Variants in RASGRP1 observed in about 807,000 individuals in gnomAD.
RASGRP1 encodes RAS guanyl-releasing protein 1.
In RASGRP1, 37 loss-of-function variants were observed where a neutral mutation model predicts 95.1. The observed-to-expected ratio is 0.39, with a 90% CI of 0.30 to 0.51. The LOEUF (loss-of-function observed/expected upper bound fraction) is 0.51, where lower values mean the gene tolerates loss of function less well. Among genes scored for constraint, RASGRP1 ranks in the 20% least tolerant of loss-of-function variants. The pLI, the probability that RASGRP1 is intolerant of heterozygous loss-of-function variation, is 0.80. For missense variants in RASGRP1, 711 were observed against 965.4 expected (o/e 0.74, Z 3.49); for synonymous variants, 325 against 353.4 (o/e 0.92, Z 0.90).
In RASGRP1 at chr15:38,518,429, A is replaced by G; in HGVS notation, c.390-6T>C. 6.3e-7 allele frequency: 1 copy of G among 1,598,080 alleles called. No homozygotes were observed. The highest frequency in any genetic ancestry group is 8.5e-7 in the Non-Finnish European group (1 of 1,171,724). On this transcript the variant is annotated splice_region_variant and splice_polypyrimidine_tract_variant and intron_variant, in intron 4 of 16. Coordinates refer to ENST00000310803, the MANE Select transcript of RASGRP1 (RefSeq NM_005739.4). ...AGAATTCTGTTATCCAATACCTACA[A>G]GGAGGGGGTTAAAAAACACAATCCA...
chr15:38,519,595 C>G (rs55639060), intron 3 of RASGRP1, among the ~76,000 whole-genome samples: 1,716 of 152,178 alleles, frequency 0.011, 20 homozygotes, highest in Non-Finnish European at 0.019. Flanking sequence ...CTCCAGCCCA[C>G]GTCGACCTGG....
Position 38,507,751 on chromosome 15 carries a change from T to C in RASGRP1, c.1217A>G (p.Asn406Ser). ...LQEVAPPLEA[N>S]KDLVHLLTLS... Reference sequence around the variant, plus strand: ...CGTCAGCAAGTGTACCAAGTCCTTGTTAGCCTCCAAGGGTGGGGCCACCTC... The same window carrying C: ...CGTCAGCAAGTGTACCAAGTCCTTGCTAGCCTCCAAGGGTGGGGCCACCTC... The change falls in exon 9 of 17, where the codon AAC becomes AGC. Residue 406 changes from asparagine (N) to serine (S), a missense_variant. Physicochemically the swap from Asn to Ser is conservative, Grantham distance 46. Transcript: ENST00000310803. 6.3e-7 allele frequency: 1 copy of C among 1,578,648 alleles called. No homozygotes were observed. The highest frequency in any genetic ancestry group is 8.6e-7 in the Non-Finnish European group (1 of 1,161,522).
At chr15:38,518,010 A>T (rs1228639072) in intron 5 of RASGRP1, among the ~76,000 whole-genome samples, 1 of 152,186 alleles carries the variant, frequency 6.6e-6, no homozygotes, top group Non-Finnish European at 1.5e-5. Flanking sequence ...GATTAATTTT[A>T]GTCAATATCT....
intron 2 of RASGRP1, among the ~76,000 whole-genome samples, chr15:38,544,887 C>G (rs1893048759): frequency 6.6e-6 from 1 of 152,216 alleles, no homozygotes; most frequent in African/African-American, 2.4e-5. Context: ...GTCTTGTTTT[C>G]TGAGACCCAA....
Position 38,515,910 on chromosome 15 carries a change from A to AGAGTGT in RASGRP1, c.675+286_675+287insACACTC, listed in dbSNP as rs779224083. 1.0e-3 allele frequency among the ~76,000 whole-genome samples: 143 copies of AGAGTGT among 143,536 alleles called. 2 individuals carry two copies. The South Asian group carries it at 0.015, about 16-fold the overall frequency. 94.2% of individuals were successfully genotyped at this position (143,536 alleles called of 152,430 possible). A position where few individuals can be genotyped will look rare whatever the true frequency, so the allele number is the denominator to read the frequency against. ...GACAGAGAGAGAGAGAGAGAGAGAGAGTGTGTGTGTGTGTGTGTGATGTGT... is the reference window on the plus strand; with the variant it reads ...GACAGAGAGAGAGAGAGAGAGAGAGAGAGTGTGTGTGTGTGTGTGTGTGTGATGTGT... On this transcript the variant is annotated intron_variant, in intron 6 of 16. Transcript: ENST00000310803.
chr15:38,496,724 G>C (rs1890804970), intron 15 of RASGRP1, among the ~76,000 whole-genome samples: 1 of 152,062 alleles, frequency 6.6e-6, no homozygotes, highest in African/African-American at 2.4e-5. Context: ...GTCAGCCTGT[G>C]TTTAGATAGA....
At chr15:38,531,389 C>G (rs1892431857) in intron 2 of RASGRP1, among the ~76,000 whole-genome samples, 1 of 152,168 alleles carries the variant, frequency 6.6e-6, no homozygotes, top group African/African-American at 2.4e-5. Flanking sequence ...CTCTTCCAGT[C>G]CTTATGGCTA....
intron 2 of RASGRP1, among the ~76,000 whole-genome samples, chr15:38,532,133 A>G (rs965490756): frequency 3.3e-5 from 5 of 152,238 alleles, no homozygotes; most frequent in African/African-American, 7.2e-5. Flanking sequence ...AATTGCTGCA[A>G]GCTGATTTAA....
intron 2 of RASGRP1, among the ~76,000 whole-genome samples, chr15:38,538,205 A>G (rs763819123): frequency 1.3e-5 from 2 of 152,178 alleles, no homozygotes; most frequent in Non-Finnish European, 2.9e-5. Context: ...CGGAGGTTGC[A>G]GTGAGCCAAG....
At position 38,498,786 on chromosome 15, in the gene RASGRP1, C is replaced by G; in HGVS notation, c.1873+8G>C. On this transcript the variant is annotated splice_region_variant and intron_variant, in intron 15 of 16. Transcript: ENST00000310803. ...TTTCCAAGATGAATGTTCCCAGTGC[C>G]TACTTACCATGGAGCAGATCTTTGG... 1 of 1,611,188 alleles carries G rather than the reference C, an allele frequency of 6.2e-7. No homozygotes were observed. The highest frequency in any genetic ancestry group is 8.5e-7 in the Non-Finnish European group (1 of 1,178,886).
In RASGRP1 at chr15:38,507,807, G is replaced by A. The variant is rs1430727700; in HGVS notation, c.1161C>T (p.Tyr387=). The stretch of plus-strand genomic sequence containing the variant: ...GCTGGACCAATTCACTGATATGATT[G>A]TATAGGGCCAGTAGCTTATGGACGT... ...KVNVHKLLAL[Y]NHISELVQLQ... is the part of the protein sequence containing the mutation. Residue 387 remains tyrosine (Y), a synonymous_variant, in exon 9 of 17, where the codon TAC becomes TAT. Transcript: ENST00000310803. 12 of 1,612,356 alleles carry A rather than the reference G, an allele frequency of 7.4e-6. No individual in the cohort carries two copies. Among genetic ancestry groups the A allele is most frequent in the African/African-American group, 1.3e-5 (1 of 75,024 alleles).
At chr15:38,491,089 T>TC (rs928422443) in intron 16 of RASGRP1, among the ~76,000 whole-genome samples, 12 of 151,968 alleles carry the variant, frequency 7.9e-5, no homozygotes, top group Admixed American at 6.6e-5. Context: ...TATCTAAGTT[T>TC]CCCCCCCACA....
At chr15:38,492,647 A>C (rs928125842) in intron 16 of RASGRP1, among the ~76,000 whole-genome samples, 3 of 152,162 alleles carry the variant, frequency 2.0e-5, no homozygotes, top group African/African-American at 7.2e-5. Flanking sequence ...CCCTGTCTCT[A>C]AAATGGCTTA....
chr15:38,536,720 A>G (rs1892662379), intron 2 of RASGRP1, among the ~76,000 whole-genome samples: 1 of 152,224 alleles, frequency 6.6e-6, no homozygotes, highest in South Asian at 2.1e-4. Flanking sequence ...CATAAAATAG[A>G]AATCCACTGA....
rs550677923 is a variant in RASGRP1 at position 38,493,997 on chromosome 15, G to A, written c.2259+385C>T. ...TTCATTTTAGTTCCATCTAGAAAAG[G>A]AGTGGTATCAGCACAGTAAAGCTAA... On this transcript the variant is annotated intron_variant, in intron 16 of 16. Coordinates refer to ENST00000310803, the MANE Select transcript of RASGRP1 (RefSeq NM_005739.4). Among the ~76,000 whole-genome samples the A allele has an allele frequency of 5.9e-5, 9 of 152,278 alleles. No homozygotes were observed. In the South Asian group the frequency reaches 1.7e-3, roughly 28 times the overall value.
chr15:38,490,799 T>A, intron 16 of RASGRP1, 111 bp from the exon 17 acceptor site: 1 of 1,134,216 alleles, frequency 8.8e-7, no homozygotes, highest in Non-Finnish European at 1.2e-6. Flanking sequence ...TGGCTGAGAA[T>A]TAACAACCAT....
chr15:38,500,708 T>A (rs1219341083), intron 13 of RASGRP1, among the ~76,000 whole-genome samples: 2 of 151,888 alleles, frequency 1.3e-5, no homozygotes, highest in African/African-American at 4.8e-5. Context: ...GGCAAACAGG[T>A]TCCTCAGGAC....
At chr15:38,528,184 A>C (rs965082894) in intron 2 of RASGRP1, among the ~76,000 whole-genome samples, 1 of 151,304 alleles carries the variant, frequency 6.6e-6, no homozygotes, top group Non-Finnish European at 1.5e-5. Flanking sequence ...CACAATATCA[A>C]CTTTTCTCTC....
chr15:38,493,099 C>T (rs1890656105), intron 16 of RASGRP1, among the ~76,000 whole-genome samples: 1 of 150,570 alleles, frequency 6.6e-6, no homozygotes, highest in South Asian at 2.1e-4. Context: ...CCAGGATGGT[C>T]TTGATCTCGT....
Sources: gnomAD v4.1 joint callset for allele counts (sites outside exome capture counted in the v4.1 genomes callset) on GRCh38, gnomAD v4.1.1 for gene constraint, MANE v1.5 for transcripts, NCBI Gene and HGNC (gene_info 2026-07-23, HGNC 2026-07-21) for gene names.